PLIN2: variants seen among roughly 807,000 people sequenced by gnomAD.
The protein encoded by PLIN2 is perilipin-2.
PLIN2 carries 33 observed loss-of-function variants against 30.6 expected under a neutral mutation model. The observed-to-expected ratio is 1.08, with a 90% CI of 0.82 to 1.44. PLIN2 has a LOEUF of 1.44. PLIN2 is among the 40% of genes most tolerant of loss of function. PLIN2 has a pLI of 0.00. For synonymous variants in PLIN2, 205 were observed against 201.1 expected (o/e 1.02, Z -0.16); for missense variants, 610 against 531.8 (o/e 1.15, Z -1.45).
At chr9:19,118,201 G>A (rs1818260122) in intron 7 of PLIN2, 120 bp downstream of exon 7, 1 of 969,900 alleles carries the variant, frequency 1.0e-6, no homozygotes, top group East Asian at 2.5e-5. Flanking sequence ...CTATGTACAT[G>A]GTATTGTTCA....
At chr9:19,113,865 C>T (rs900408132), downstream of PLIN2, among the ~76,000 whole-genome samples, 3 of 151,448 alleles carry the variant, frequency 2.0e-5, no homozygotes, top group Non-Finnish European at 4.4e-5. Flanking sequence ...ACCTCCACCT[C>T]CCGGGTTCAA....
intron 4 of PLIN2, chr9:19,123,207 A>G: frequency 1.4e-6 from 1 of 706,716 alleles, no homozygotes; most frequent in Non-Finnish European, 2.3e-6. Context: ...AGTTCCTGGC[A>G]GCATTGTACA....
chr9:19,116,260 A>T lies in PLIN2; in HGVS notation c.1302T>A (p.His434Gln). 1.9e-6 allele frequency: 3 copies of T among 1,593,508 alleles called. No individual in the cohort carries two copies. The highest frequency in any genetic ancestry group is 2.6e-6 in the Non-Finnish European group (3 of 1,169,004). Residue 434 changes from histidine to glutamine, a missense_variant, in exon 8 of 8, where the codon CAT becomes CAA. Transcript: ENST00000276914. ...GATAGGGGCAGGTTTAATGAGTTTT[A>T]TGCTCAGATCGCTGGGTCTCCTGGC... is the stretch of plus-strand genomic sequence containing the variant. The part of the protein sequence containing the change: ...KSSQETQRSE[H>Q]KTH
downstream of PLIN2, among the ~76,000 whole-genome samples, chr9:19,114,024 A>G (rs1055372421): frequency 2.0e-5 from 3 of 151,842 alleles, no homozygotes; most frequent in Non-Finnish European, 2.9e-5. Context: ...TTGATCTGCC[A>G]GCCTCAGCCT....
chr9:19,119,167 A>T (rs777007268), intron 6 of PLIN2, among the ~76,000 whole-genome samples: 1 of 152,232 alleles, frequency 6.6e-6, no homozygotes, highest in African/African-American at 2.4e-5. Context: ...GAAACCTTTA[A>T]TGGCTACACA....
At chr9:19,121,622 G>T (rs1377438233) in intron 4 of PLIN2, among the ~76,000 whole-genome samples, 1 of 152,152 alleles carries the variant, frequency 6.6e-6, no homozygotes, top group East Asian at 1.9e-4. Flanking sequence ...GGCCCTCGGG[G>T]TGTTATTAGT....
downstream of PLIN2, among the ~76,000 whole-genome samples, chr9:19,112,180 A>C (rs529348530): frequency 1.3e-5 from 2 of 152,222 alleles, no homozygotes; most frequent in Admixed American, 6.5e-5. Flanking sequence ...ATTTTTGCAT[A>C]GGACAAACTA....
rs1361275173 is a variant in PLIN2 at position 19,115,899 on chromosome 9, G to C, written c.*349C>G. 5.3e-6 allele frequency: 1 copy of C among 188,422 alleles called. No homozygotes were observed. The highest frequency in any genetic ancestry group is 1.1e-5 in the Non-Finnish European group (1 of 91,118). 11.7% of individuals were successfully genotyped at this position (188,422 alleles called of 1,614,324 possible). Reference sequence around the variant, plus strand: ...AGACGCCTTTTCAGATCACACCAGAGCAGACACCAGTTTCTACCCCAGCCC... The same window carrying C: ...AGACGCCTTTTCAGATCACACCAGACCAGACACCAGTTTCTACCCCAGCCC... On this transcript the variant is annotated 3_prime_UTR_variant, in exon 8 of 8. Coordinates refer to ENST00000276914, the MANE Select transcript of PLIN2 (RefSeq NM_001122.4).
rs1425297528 is a variant in PLIN2 at position 19,126,142 on chromosome 9, C to A, written c.198G>T (p.Leu66=). Residue 66 remains leucine (L), a synonymous_variant, in exon 3 of 8, where the codon CTG becomes CTT. Coordinates refer to ENST00000276914, the MANE Select transcript of PLIN2 (RefSeq NM_001122.4). ...TITSVAMTSA[L]PIIQKLEPQI... is the part of the protein sequence containing the mutation. ...GCGGCTCTAGCTTCTGGATGATGGG[C>A]AGAGCACTGGTCATGGCCACGGAGG... The A allele has an allele frequency of 6.2e-7, 1 of 1,613,926 alleles. No homozygotes were observed. Among genetic ancestry groups the A allele is most frequent in the African/African-American group, 1.3e-5 (1 of 74,886 alleles).
chr9:19,123,647 A>G lies in PLIN2; in HGVS notation c.227T>C (p.Ile76Thr), dbSNP rs1429161846. ...ACAGGCATAGGTATTGGCAACTGCAACTAGAATCACAAATGGGAAAATGTT... is the reference window on the plus strand; with the variant it reads ...ACAGGCATAGGTATTGGCAACTGCAGCTAGAATCACAAATGGGAAAATGTT... ...LPIIQKLEPQ[I>T]AVANTYACKG... Residue 76 changes from isoleucine to threonine, a missense_variant and splice_region_variant, in exon 4 of 8, where the codon ATT (isoleucine) becomes ACT (threonine). Physicochemically the swap from Ile to Thr is moderately conservative, Grantham distance 89. Coordinates refer to ENST00000276914, the MANE Select transcript of PLIN2 (RefSeq NM_001122.4). 1.9e-6 allele frequency: 3 copies of G among 1,611,436 alleles called. No individual in the cohort carries two copies. The highest frequency in any genetic ancestry group is 2.2e-5 in the East Asian group (1 of 44,880).
chr9:19,110,465 TTTCG>T (rs201453045), intron 2 of PLIN2, among the ~76,000 whole-genome samples: 33 of 151,556 alleles, frequency 2.2e-4, no homozygotes, highest in Admixed American at 2.2e-3. Context: ...TGACATTGGA[TTTCG>T]TTTTGTTTTG....
At chr9:19,111,426 C>G (rs918612755), downstream of PLIN2, among the ~76,000 whole-genome samples, 10 of 152,186 alleles carry the variant, frequency 6.6e-5, no homozygotes, top group African/African-American at 2.2e-4. Flanking sequence ...CTGCCTGCCT[C>G]TCACCACCAA....
intron 7 of PLIN2, 114 bp downstream of exon 7, chr9:19,118,207 G>A: frequency 9.3e-7 from 1 of 1,074,634 alleles, no homozygotes; most frequent in Non-Finnish European, 1.3e-6. Context: ...ACATGGTATT[G>A]TTCAACCTTT....
intron 4 of PLIN2, among the ~76,000 whole-genome samples, chr9:19,122,668 C>G (rs528132618): frequency 6.6e-6 from 1 of 152,116 alleles, no homozygotes; most frequent in South Asian, 2.1e-4. Context: ...AACCCCCGGG[C>G]CATGGACCAT....
rs777571716 is a variant in PLIN2, at chr9:19,121,093, C to A, written c.382G>T (p.Asp128Tyr). The change falls in exon 5 of 8, where the codon GAT becomes TAT. Residue 128 changes from aspartate (D) to tyrosine (Y), a missense_variant. Asp to Tyr is a radical substitution (Grantham distance 160). Coordinates refer to ENST00000276914, the MANE Select transcript of PLIN2 (RefSeq NM_001122.4). ...CCTGTGATCGTGCTGGCCACAGAAT[C>A]CTTGGCCCCAGTCACAGTAGTCGTC... Reference protein sequence around the residue: ...AVTTTVTGAKDSVASTITGVM... With the variant: ...AVTTTVTGAKYSVASTITGVM... 1.2e-6 allele frequency: 2 copies of A among 1,614,216 alleles called. No individual in the cohort carries two copies. The highest frequency in any genetic ancestry group is 1.7e-6 in the Non-Finnish European group (2 of 1,180,036).
Position 19,118,359 on chromosome 9 carries a change from T to A in PLIN2, c.874A>T (p.Ile292Phe). Residue 292 changes from isoleucine to phenylalanine, a missense_variant, in exon 7 of 8, where the codon ATT becomes TTT. Coordinates refer to ENST00000276914, the MANE Select transcript of PLIN2 (RefSeq NM_001122.4). ...GACTCATCAGTATCATCATATCCAA[T>A]GCTCCTTTTCCACTCTACCCATGAG... ...YLSWVEWKRS[I>F]GYDDTDESHC... 1 of 1,613,872 alleles carries A rather than the reference T, an allele frequency of 6.2e-7. No individual in the cohort carries two copies. Among genetic ancestry groups the A allele is most frequent in the Non-Finnish European group, 8.5e-7 (1 of 1,179,840 alleles).
downstream of PLIN2, among the ~76,000 whole-genome samples, chr9:19,114,656 G>A (rs1173752665): frequency 1.3e-5 from 2 of 151,908 alleles, no homozygotes; most frequent in Non-Finnish European, 2.9e-5. Flanking sequence ...TGCCTGCCTC[G>A]GCCTCCCAAA....
exon 3 of PLIN2, chr9:19,108,672 TCTC>T (rs1427712084): frequency 6.6e-6 from 1 of 152,650 alleles, no homozygotes; most frequent in African/African-American, 2.4e-5. Flanking sequence ...TTTGATCCGT[TCTC>T]CTCTTCCAAA....
At chr9:19,123,133 G>T (rs1818344973) in intron 4 of PLIN2, 1 of 525,518 alleles carries the variant, frequency 1.9e-6, no homozygotes, top group Non-Finnish European at 3.4e-6. Flanking sequence ...TGAACCAAAG[G>T]ATCACCAGGA....
Sources: allele counts gnomAD v4.1 joint callset (sites outside exome capture counted in the v4.1 genomes callset), GRCh38; gene constraint gnomAD v4.1.1; transcripts MANE v1.5; gene names NCBI Gene and HGNC (gene_info 2026-07-23, HGNC 2026-07-21).